Variants in DOK6 observed in about 807,000 individuals in gnomAD.
DOK6 encodes docking protein 6.
In DOK6, 22 loss-of-function variants were observed where a neutral mutation model predicts 44.0. The ratio of observed to expected loss-of-function variants is 0.50; its 90% CI spans 0.36 to 0.71. DOK6 has a LOEUF of 0.71. DOK6 is among the 30% of genes least tolerant of loss of function. The pLI, the probability that DOK6 is intolerant of heterozygous loss-of-function variation, is 0.00. For missense variants in DOK6, 340 were observed against 416.4 expected, an observed-to-expected ratio of 0.82 and a Z score of 1.60; for synonymous variants, 166 against 145.5, an observed-to-expected ratio of 1.14 and a Z score of -1.01.
intron 2 of DOK6, among the ~76,000 whole-genome samples, chr18:69,584,722 A>G (rs1465266780): frequency 6.6e-6 from 1 of 152,146 alleles, no homozygotes; most frequent in Non-Finnish European, 1.5e-5. Flanking sequence ...TTCAATTATG[A>G]AACCATCTGG....
intron 2 of DOK6, among the ~76,000 whole-genome samples, chr18:69,597,964 A>AT (rs1983785390): frequency 6.6e-6 from 1 of 152,152 alleles, no homozygotes; most frequent in Non-Finnish European, 1.5e-5. Context: ...GACTTGGGTG[A>AT]TTTTCCTTGA....
At chr18:69,824,677 CAAA>C (rs1264825487) in intron 7 of DOK6, among the ~76,000 whole-genome samples, 3 of 152,190 alleles carry the variant, frequency 2.0e-5, no homozygotes, top group African/African-American at 7.2e-5. Flanking sequence ...AAATTTTTAA[CAAA>C]AATCGTTTAC....
chr18:69,811,540 A>G (rs974037285), intron 7 of DOK6, among the ~76,000 whole-genome samples: 9 of 22,182 alleles, frequency 4.1e-4, no homozygotes, highest in South Asian at 2.3e-3. Context: ...ATATATATAT[A>G]TATATATATA....
Position 69,841,540 on chromosome 18 carries a change from T to C in DOK6, c.*157T>C. 1 of 964,028 alleles carries C rather than the reference T, an allele frequency of 1.0e-6. No homozygotes were observed. The highest frequency in any genetic ancestry group is 1.5e-6 in the Non-Finnish European group (1 of 688,110). 59.7% of individuals were successfully genotyped at this position (964,028 alleles called of 1,614,324 possible). ...GGAAGGTTAAAAACTGGAGTTCTGC[T>C]TCCTTGATTCAGTGGCTAAGTCCTT... On this transcript the variant is annotated 3_prime_UTR_variant, in exon 8 of 8. Transcript: ENST00000382713.
chr18:69,814,219 G>T (rs1011053090), intron 7 of DOK6, among the ~76,000 whole-genome samples: 2 of 152,124 alleles, frequency 1.3e-5, no homozygotes, highest in African/African-American at 4.8e-5. Context: ...GTAGTCAGCA[G>T]CAAGAGCCAA....
At position 69,510,642 on chromosome 18, in the gene DOK6, A is replaced by G. The variant is rs540649093; in HGVS notation, c.67-53845A>G. Reference sequence around the variant, plus strand: ...TATATCTGTATATTGGCCAAAGTACAAAGCATGAGCAATGGTGAAACTGTC... The same window carrying G: ...TATATCTGTATATTGGCCAAAGTACGAAGCATGAGCAATGGTGAAACTGTC... On this transcript the variant is annotated intron_variant, in intron 1 of 7. Coordinates refer to ENST00000382713, the MANE Select transcript of DOK6 (RefSeq NM_152721.6). Among the ~76,000 whole-genome samples, 30 of 152,354 alleles carry G rather than the reference A, an allele frequency of 2.0e-4. 1 individual carries two copies. The highest frequency in any genetic ancestry group is 7.2e-4 in the African/African-American group (30 of 41,590).
intron 3 of DOK6, among the ~76,000 whole-genome samples, chr18:69,605,076 T>TGTGTG (rs1983963599): frequency 1.0e-4 from 13 of 125,858 alleles, no homozygotes; most frequent in African/African-American, 3.9e-4. Flanking sequence ...AGAGATCCCT[T>TGTGTG]TGTGTGTGTG....
At chr18:69,828,895 T>C (rs1390353867) in intron 7 of DOK6, among the ~76,000 whole-genome samples, 1 of 131,806 alleles carries the variant, frequency 7.6e-6, no homozygotes, top group East Asian at 2.3e-4. Flanking sequence ...TATATATATA[T>C]ATATAGTATG....
chr18:69,778,236 T>A (rs923104296), intron 7 of DOK6, among the ~76,000 whole-genome samples: 2 of 152,110 alleles, frequency 1.3e-5, no homozygotes, highest in East Asian at 1.9e-4. Flanking sequence ...ACAAGATGTA[T>A]ATAAAGTCTT....
At position 69,535,389 on chromosome 18, in the gene DOK6, C is replaced by T. The variant is rs114696300; in HGVS notation, c.67-29098C>T. The stretch of plus-strand genomic sequence containing the variant: ...TTCTGCATATTCATGTTACGGTTGA[C>T]TAACTTCCTGAAATCTCTGTAATTC... On this transcript the variant is annotated intron_variant, in intron 1 of 7. Coordinates refer to ENST00000382713, the MANE Select transcript of DOK6 (RefSeq NM_152721.6). Among the ~76,000 whole-genome samples the T allele has an allele frequency of 6.4e-3, 968 of 152,040 alleles. 10 individuals carry two copies. Among genetic ancestry groups the T allele is most frequent in the African/African-American group, 0.022 (899 of 41,532 alleles).
chr18:69,609,575 G>A (rs952735951), intron 3 of DOK6, among the ~76,000 whole-genome samples: 50 of 152,266 alleles, frequency 3.3e-4, no homozygotes, highest in African/African-American at 1.2e-3. Context: ...ATTAGTAACG[G>A]AAATGTAAAT....
chr18:69,638,556 A>G (rs1330290124), intron 3 of DOK6, among the ~76,000 whole-genome samples: 2 of 151,730 alleles, frequency 1.3e-5, no homozygotes, highest in Non-Finnish European at 2.9e-5. Flanking sequence ...AGTATTTTCC[A>G]ATTTGTACCA....
intron 7 of DOK6, among the ~76,000 whole-genome samples, chr18:69,797,141 CA>C (rs1192707842): frequency 6.6e-6 from 1 of 152,084 alleles, no homozygotes; most frequent in Non-Finnish European, 1.5e-5. Flanking sequence ...TACACCTGCA[CA>C]AAACCTGCCC....
intron 1 of DOK6, among the ~76,000 whole-genome samples, chr18:69,433,811 G>C (rs368405052): frequency 6.6e-6 from 1 of 152,166 alleles, no homozygotes; most frequent in East Asian, 1.9e-4. Context: ...AAGTTCAATA[G>C]AGAGCACAAA....
intron 7 of DOK6, among the ~76,000 whole-genome samples, chr18:69,833,562 TTAC>T (rs1040235268): frequency 4.6e-5 from 7 of 152,148 alleles, no homozygotes; most frequent in South Asian, 2.1e-4. Context: ...ACAAATGGTA[TTAC>T]ATCATGCTAA....
At chr18:69,527,947 AG>A (rs1981877494) in intron 1 of DOK6, among the ~76,000 whole-genome samples, 1 of 152,222 alleles carries the variant, frequency 6.6e-6, no homozygotes, top group South Asian at 2.1e-4. Context: ...GCGGATCACG[AG>A]GTCAGGAGAT....
At chr18:69,689,390 G>A (rs1986218017) in intron 4 of DOK6, among the ~76,000 whole-genome samples, 1 of 152,106 alleles carries the variant, frequency 6.6e-6, no homozygotes, top group Non-Finnish European at 1.5e-5. Context: ...TCTAAATAAT[G>A]TAAACAAAAC....
chr18:69,671,576 A>G (rs1316184513), intron 3 of DOK6, among the ~76,000 whole-genome samples: 1 of 152,180 alleles, frequency 6.6e-6, no homozygotes, highest in Non-Finnish European at 1.5e-5. Context: ...AAAATAAGAA[A>G]CCTTTTTTGA....
chr18:69,638,054 A>G (rs1210654018), intron 3 of DOK6, among the ~76,000 whole-genome samples: 1 of 152,160 alleles, frequency 6.6e-6, no homozygotes, highest in Non-Finnish European at 1.5e-5. Flanking sequence ...CCTGATCAAT[A>G]TTCTTCCTAT....
Sources: allele counts gnomAD v4.1 joint callset (sites outside exome capture counted in the v4.1 genomes callset), GRCh38; gene constraint gnomAD v4.1.1; transcripts MANE v1.5; gene names NCBI Gene and HGNC (gene_info 2026-07-23, HGNC 2026-07-21).